The following RUSC2 variants were observed in gnomAD, a reference collection of about 807,000 sequenced individuals.
RUSC2 encodes the protein RUN and SH3 domain containing 2.
RUSC2 carries 34 observed loss-of-function variants against 122.2 expected under a neutral mutation model. That is an observed-to-expected ratio of 0.28 (90% confidence interval 0.21 to 0.37). The LOEUF is 0.37. RUSC2 is among the 10% of genes least tolerant of loss of function. The pLI is 1.00. For missense variants in RUSC2, 1,747 were observed against 1,952.4 expected, an observed-to-expected ratio of 0.89 and a Z score of 1.98; for synonymous variants, 784 against 790.0, an observed-to-expected ratio of 0.99 and a Z score of 0.13.
chr9:35,543,312 G>C (rs1821679767), intron 1 of RUSC2, among the ~76,000 whole-genome samples: 1 of 152,078 alleles, frequency 6.6e-6, no homozygotes, highest in East Asian at 1.9e-4. Context: ...TGTGGTCCTA[G>C]CTACTCAGGA....
intron 2 of RUSC2, among the ~76,000 whole-genome samples, chr9:35,553,191 A>G (rs1204066464): frequency 6.6e-6 from 1 of 152,216 alleles, no homozygotes; most frequent in Non-Finnish European, 1.5e-5. Context: ...CCTAGCTCGT[A>G]GCAGGTGTGG....
rs776657858 is a variant in RUSC2, at chr9:35,548,470, G to C, written c.1949G>C (p.Gly650Ala). The C allele has an allele frequency of 3.7e-6, 6 of 1,613,856 alleles. No individual in the cohort carries two copies. In the South Asian group the frequency reaches 4.4e-5, roughly 12 times the overall value. The change falls in exon 2 of 12, where the codon GGG becomes GCG. Residue 650 changes from glycine (G) to alanine (A), a missense_variant. Physicochemically the swap from Gly to Ala is moderately conservative, Grantham distance 60. Coordinates refer to ENST00000361226, the MANE Select transcript of RUSC2 (RefSeq NM_014806.5). This position sits in a 1 kb window ranked among gnomAD's most constrained non-coding sequence, Gnocchi z 4.5. ...QGPLAQLMDPGPALPGSPANS... is the reference protein window; with the variant it reads ...QGPLAQLMDPAPALPGSPANS... ...CCCCTGGCTCAGCTGATGGATCCAGGGCCTGCTCTCCCAGGGAGCCCAGCC... is the reference window on the plus strand; with the variant it reads ...CCCCTGGCTCAGCTGATGGATCCAGCGCCTGCTCTCCCAGGGAGCCCAGCC...
intron 1 of RUSC2, among the ~76,000 whole-genome samples, chr9:35,529,403 T>A (rs892486723): frequency 4.0e-5 from 6 of 151,624 alleles, no homozygotes; most frequent in African/African-American, 1.5e-4. Context: ...GGGCCTAGTG[T>A]AGCCAGTTCT....
In RUSC2 at chr9:35,518,803, C is replaced by T. The variant is rs1186344683; in HGVS notation, c.-92-27627C>T. On this transcript the variant is annotated intron_variant, in intron 1 of 11. Coordinates refer to ENST00000361226, the MANE Select transcript of RUSC2 (RefSeq NM_014806.5). Reference sequence around the variant, plus strand: ...TTCCTATAAAACCCTCCCAAACAGGCTTTTTCTTTTTCTTTACAATGTCAG... The same window carrying T: ...TTCCTATAAAACCCTCCCAAACAGGTTTTTTCTTTTTCTTTACAATGTCAG... 2.6e-5 allele frequency among the ~76,000 whole-genome samples: 4 copies of T among 152,194 alleles called. No individual in the cohort carries two copies. The East Asian group carries it at 7.7e-4, about 29-fold the overall frequency.
At chr9:35,528,992 A>T (rs974423100) in intron 1 of RUSC2, among the ~76,000 whole-genome samples, 1 of 152,200 alleles carries the variant, frequency 6.6e-6, no homozygotes, top group African/African-American at 2.4e-5. Flanking sequence ...TTAGCTTAAA[A>T]GCCTTTTTCG....
intron 1 of RUSC2, among the ~76,000 whole-genome samples, chr9:35,494,030 GTTTA>G (rs746701399): frequency 2.4e-4 from 37 of 151,878 alleles, no homozygotes; most frequent in Non-Finnish European, 3.7e-4. Flanking sequence ...TTATGTTTAT[GTTTA>G]TTTATTTATT....
intron 1 of RUSC2, among the ~76,000 whole-genome samples, chr9:35,491,005 C>T (rs553301226): frequency 6.6e-6 from 1 of 151,664 alleles, no homozygotes; most frequent in Non-Finnish European, 1.5e-5. Flanking sequence ...AGTAATTGAG[C>T]AGCGGAGGAA....
chr9:35,531,878 T>A (rs1821426072), intron 1 of RUSC2, among the ~76,000 whole-genome samples: 1 of 151,946 alleles, frequency 6.6e-6, no homozygotes. Flanking sequence ...ACAAAAAAAT[T>A]AGCCAGGCGT....
Position 35,555,256 on chromosome 9 carries a change from T to G in RUSC2, c.2211T>G (p.Pro737=). 6.2e-7 allele frequency: 1 copy of G among 1,613,364 alleles called. No homozygotes were observed. Among genetic ancestry groups the G allele is most frequent in the Non-Finnish European group, 8.5e-7 (1 of 1,180,010 alleles). The change falls in exon 3 of 12, where the codon CCT becomes CCG. Residue 737 remains proline (P), a synonymous_variant. Transcript: ENST00000361226. The surrounding 1 kb of genome is among the most constrained non-coding windows in gnomAD (Gnocchi z 4.6). ...AGCAGCCTGCCCCACTGGCTGCCCCTGCTGCTCAAGTCTCAGTCCCAGCTC... is the reference window on the plus strand; with the variant it reads ...AGCAGCCTGCCCCACTGGCTGCCCCGGCTGCTCAAGTCTCAGTCCCAGCTC... ...RTQQPAPLAA[P]AAQVSVPAPS...
At position 35,541,920 on chromosome 9, in the gene RUSC2, A is replaced by G. The variant is rs143008239; in HGVS notation, c.-92-4510A>G. ...TATAAAATTTTTTTAAATTATTTTT[A>G]TATCATATAACATTTTTTAAAATTT... On this transcript the variant is annotated intron_variant, in intron 1 of 11. Coordinates refer to ENST00000361226, the MANE Select transcript of RUSC2 (RefSeq NM_014806.5). Among the ~76,000 whole-genome samples, 143 of 148,270 alleles carry G rather than the reference A, an allele frequency of 9.6e-4. 1 individual carries two copies. The East Asian group carries it at 0.019, about 20-fold the overall frequency.
chr9:35,497,404 G>C (rs542876886), intron 1 of RUSC2, among the ~76,000 whole-genome samples: 1 of 152,178 alleles, frequency 6.6e-6, no homozygotes, highest in Admixed American at 6.5e-5. Context: ...GTTTTGTTTT[G>C]GTGTTGCAAA....
chr9:35,554,092 T>C (rs909797023), intron 2 of RUSC2, among the ~76,000 whole-genome samples: 4 of 152,224 alleles, frequency 2.6e-5, no homozygotes, highest in African/African-American at 9.6e-5. Flanking sequence ...GCCCCACTGC[T>C]GGTGAGCTTT....
chr9:35,556,312 A>G lies in RUSC2; in HGVS notation c.2847A>G (p.Gln949=). 6.2e-7 allele frequency: 1 copy of G among 1,614,016 alleles called. No individual in the cohort carries two copies. ...TGATTTTTCTCTTCTTTCCAGGCCAAGCAGTGAAGCCGTTACCACTGACCT... is the reference window on the plus strand; with the variant it reads ...TGATTTTTCTCTTCTTTCCAGGCCAGGCAGTGAAGCCGTTACCACTGACCT... The part of the protein sequence containing the change: ...ASHLNCRLNG[Q]AVKPLPLTCP... Residue 949 remains glutamine, a synonymous_variant, in exon 5 of 12, where the codon CAA becomes CAG. Transcript: ENST00000361226.
rs1012946979 is a variant in RUSC2, at chr9:35,555,920, C to G, written c.2657-32C>G. The G allele has an allele frequency of 5.0e-6, 8 of 1,603,374 alleles. No individual in the cohort carries two copies. The highest frequency in any genetic ancestry group is 6.8e-6 in the Non-Finnish European group (8 of 1,172,792). ...TCTGTCTCGCTGTCTCCTGCCAACT[C>G]TTGTCTTTCTGCTAATCTGTTCTGC... On this transcript the variant is annotated intron_variant, in intron 3 of 11. Coordinates refer to ENST00000361226, the MANE Select transcript of RUSC2 (RefSeq NM_014806.5). The surrounding 1 kb of genome is among the most constrained non-coding windows in gnomAD (Gnocchi z 4.6).
At chr9:35,500,805 T>G (rs944858524) in intron 1 of RUSC2, among the ~76,000 whole-genome samples, 2 of 152,250 alleles carry the variant, frequency 1.3e-5, no homozygotes, top group Non-Finnish European at 2.9e-5. Context: ...ACTTCTTAGA[T>G]AGCATAGTGT....
chr9:35,491,670 G>A lies in RUSC2; in HGVS notation c.-93+1498G>A, dbSNP rs573068352. On this transcript the variant is annotated intron_variant, in intron 1 of 11. Transcript: ENST00000361226. The stretch of plus-strand genomic sequence containing the variant: ...ATGTCTTTATAAAGTCTTGGATCAG[G>A]CCAGGCACAGTGGCTCAGCCTGTAA... 1.1e-4 allele frequency among the ~76,000 whole-genome samples: 17 copies of A among 152,274 alleles called. No homozygotes were observed. In the East Asian group the frequency reaches 3.1e-3, roughly 28 times the overall value.
rs553705342 is a variant in RUSC2 at position 35,557,307 on chromosome 9, A to C, written c.2984-607A>C. Among the ~76,000 whole-genome samples, 1 of 152,270 alleles carries C rather than the reference A, an allele frequency of 6.6e-6. No homozygotes were observed. Among genetic ancestry groups the C allele is most frequent in the South Asian group, 2.1e-4 (1 of 4,824 alleles). ...GGAGAAAGAACCCGGGCAAGAAGGGAAACGGCCACCTTCCTCCAGGACGCG... is the reference window on the plus strand; with the variant it reads ...GGAGAAAGAACCCGGGCAAGAAGGGCAACGGCCACCTTCCTCCAGGACGCG... On this transcript the variant is annotated intron_variant, in intron 5 of 11. Transcript: ENST00000361226. This position sits in a 1 kb window ranked among gnomAD's most constrained non-coding sequence, Gnocchi z 4.6.
At chr9:35,550,607 CAG>C (rs1821870524) in intron 2 of RUSC2, among the ~76,000 whole-genome samples, 1 of 151,694 alleles carries the variant, frequency 6.6e-6, no homozygotes, top group Non-Finnish European at 1.5e-5. Context: ...GCTTGGGAAA[CAG>C]AGTGAGACTC....
At chr9:35,495,024 A>C (rs896030189) in intron 1 of RUSC2, among the ~76,000 whole-genome samples, 2 of 100,554 alleles carry the variant, frequency 2.0e-5, no homozygotes, top group East Asian at 5.1e-4. Context: ...TATATATTTT[A>C]TATATTATAT....
Sources: allele counts gnomAD v4.1 joint callset (sites outside exome capture counted in the v4.1 genomes callset), GRCh38; gene constraint gnomAD v4.1.1; non-coding constraint Gnocchi (gnomAD v3.1); transcripts MANE v1.5; gene names NCBI Gene and HGNC (gene_info 2026-07-23, HGNC 2026-07-21).